The following SHROOM3 variants were observed in gnomAD, a reference collection of about 807,000 sequenced individuals.
SHROOM3 encodes shroom family member 3, also known as protein Shroom3.
A neutral mutation model predicts 138.6 loss-of-function variants in SHROOM3; 47 were observed. That is an observed-to-expected ratio of 0.34 (90% CI 0.27 to 0.43). The LOEUF is 0.43. SHROOM3 is among the 20% of genes least tolerant of loss of function. The probability of loss-of-function intolerance (pLI) is 1.00; values close to 1 mark genes in which losing one functional copy is unlikely to be tolerated. For synonymous variants in SHROOM3, 1,062 were observed against 1,063.3 expected, an observed-to-expected ratio of 1.00 and a Z score of 0.02; for missense variants, 2,491 against 2,596.5, an observed-to-expected ratio of 0.96 and a Z score of 0.88.
chr4:76,517,649 T>C (rs778135809), intron 1 of SHROOM3, among the ~76,000 whole-genome samples: 42 of 150,122 alleles, frequency 2.8e-4, no homozygotes, highest in Non-Finnish European at 5.5e-4. Flanking sequence ...ATAAAGGGGA[T>C]GTTAGGGCTG....
chr4:76,518,872 A>G (rs1278329424), intron 1 of SHROOM3, among the ~76,000 whole-genome samples: 1 of 152,182 alleles, frequency 6.6e-6, no homozygotes, highest in Non-Finnish European at 1.5e-5. Context: ...TTGAACCAGT[A>G]CAAAAAGCGC....
chr4:76,728,126 A>T (rs1200677403), intron 3 of SHROOM3, among the ~76,000 whole-genome samples: 1 of 152,186 alleles, frequency 6.6e-6, no homozygotes, highest in Non-Finnish European at 1.5e-5. Flanking sequence ...CAGTGAGCCA[A>T]GATTGCGCCA....
At chr4:76,535,534 G>A (rs1732933435) in intron 1 of SHROOM3, among the ~76,000 whole-genome samples, 1 of 152,128 alleles carries the variant, frequency 6.6e-6, no homozygotes, top group Admixed American at 6.5e-5. Flanking sequence ...ATACTTAAGG[G>A]GCTGCTGCAT....
Position 76,754,498 on chromosome 4 carries a change from A to G in SHROOM3, c.4015A>G (p.Thr1339Ala). 6.2e-7 allele frequency: 1 copy of G among 1,614,080 alleles called. No individual in the cohort carries two copies. The highest frequency in any genetic ancestry group is 8.5e-7 in the Non-Finnish European group (1 of 1,179,976). ...CTGCCCCAGGCCACCACTGGCAGGA[A>G]CGCAAGGGCTGGTCACAGACACCAG... ...TPCPRPPLAG[T>A]QGLVTDTRAA... The change falls in exon 7 of 11, where the codon ACG becomes GCG. Residue 1339 changes from threonine (T) to alanine (A), a missense_variant. Transcript: ENST00000296043.
chr4:76,648,589 C>A (rs557010976), intron 2 of SHROOM3, among the ~76,000 whole-genome samples: 2 of 152,118 alleles, frequency 1.3e-5, no homozygotes, highest in East Asian at 3.9e-4. Flanking sequence ...TTGTTCAGAT[C>A]GCTTTGAAAG....
chr4:76,773,692 C>G (rs1722449848), intron 10 of SHROOM3, among the ~76,000 whole-genome samples: 1 of 152,180 alleles, frequency 6.6e-6, no homozygotes, highest in Non-Finnish European at 1.5e-5. Flanking sequence ...ACAGAGGCAG[C>G]CAGGGATACA....
At chr4:76,489,020 T>C (rs1731794774) in intron 1 of SHROOM3, among the ~76,000 whole-genome samples, 1 of 152,212 alleles carries the variant, frequency 6.6e-6, no homozygotes, top group Admixed American at 6.5e-5. Flanking sequence ...CTCCAACTCC[T>C]GAATATGGTG....
In SHROOM3 at chr4:76,528,544, C is replaced by CTTTTTTTTTT. The variant is rs146962643; in HGVS notation, c.169-27062_169-27061insTTTTTTTTTT. On this transcript the variant is annotated intron_variant, in intron 1 of 10. Coordinates refer to ENST00000296043, the MANE Select transcript of SHROOM3 (RefSeq NM_020859.4). The stretch of plus-strand genomic sequence containing the variant: ...GGACTTCTCTCCTTTATCTTTCTTT[C>CTTTTTTTTTT]TTTCTTTTTTTTTTTTTTGAGGCAG... Among the ~76,000 whole-genome samples, 168 of 103,376 alleles carry CTTTTTTTTTT rather than the reference C, an allele frequency of 1.6e-3. 8 individuals are homozygous for CTTTTTTTTTT. Among genetic ancestry groups the CTTTTTTTTTT allele is most frequent in the Middle Eastern group, 0.011 (2 of 184 alleles). The allele number at this position is 103,376 out of a possible 152,430, so 67.8% of individuals were successfully genotyped here.
At chr4:76,729,218 T>G (rs879874048) in intron 3 of SHROOM3, among the ~76,000 whole-genome samples, 11 of 152,174 alleles carry the variant, frequency 7.2e-5, no homozygotes, top group Non-Finnish European at 1.5e-4. Context: ...CTAAAACCAG[T>G]GGTATTCAGT....
At chr4:76,539,806 G>A (rs1246926028) in intron 1 of SHROOM3, among the ~76,000 whole-genome samples, 1 of 152,120 alleles carries the variant, frequency 6.6e-6, no homozygotes, top group Non-Finnish European at 1.5e-5. Flanking sequence ...CAAATTGTGT[G>A]GGGGTTGCAA....
At position 76,780,346 on chromosome 4, in the gene SHROOM3, G is replaced by A. The variant is rs1722700954; in HGVS notation, c.*1169G>A. The A allele has an allele frequency of 2.6e-5, 4 of 152,166 alleles. 1 individual carries two copies. The South Asian group carries it at 8.3e-4, about 32-fold the overall frequency. 9.4% of individuals were successfully genotyped at this position (152,166 alleles called of 1,614,324 possible). A position where few individuals can be genotyped will look rare whatever the true frequency, so the allele number is the denominator to read the frequency against. ...TGAGGAGGTTATGGGCTGGCAGCCA[G>A]GCTATGTTTACAGCTGCTGGAGATG... On this transcript the variant is annotated 3_prime_UTR_variant, in exon 11 of 11. Transcript: ENST00000296043.
At chr4:76,713,265 A>C (rs1720284221) in intron 3 of SHROOM3, among the ~76,000 whole-genome samples, 1 of 152,246 alleles carries the variant, frequency 6.6e-6, no homozygotes, top group African/African-American at 2.4e-5. Context: ...TTTAGAACAC[A>C]GACACATTGT....
chr4:76,725,090 T>G (rs1050639285), intron 3 of SHROOM3, among the ~76,000 whole-genome samples: 29 of 152,114 alleles, frequency 1.9e-4, no homozygotes, highest in Non-Finnish European at 3.8e-4. Flanking sequence ...TGTTTTTTGT[T>G]TTTTTTTCCT....
intron 2 of SHROOM3, among the ~76,000 whole-genome samples, chr4:76,616,593 T>G (rs1734885118): frequency 6.6e-6 from 1 of 152,158 alleles, no homozygotes; most frequent in Admixed American, 6.5e-5. Context: ...ACAAATACTA[T>G]CTGATTCCGA....
chr4:76,740,923 A>G lies in SHROOM3; in HGVS notation c.2750A>G (p.Asp917Gly), dbSNP rs1275363152. The G allele has an allele frequency of 6.7e-6, 10 of 1,499,368 alleles. No individual in the cohort carries two copies. The African/African-American group carries it at 1.3e-4, about 19-fold the overall frequency. The allele number at this position is 1,499,368 out of a possible 1,614,324, so 92.9% of individuals were successfully genotyped here. ...GGCTCGCCCGAATCGCCCCTGCTGG[A>G]TGCCCCCTTCAGCCGCGCCTACCGG... ...RPGSPESPLL[D>G]APFSRAYRNS... The change falls in exon 5 of 11, where the codon GAT becomes GGT. Residue 917 changes from aspartate to glycine, a missense_variant. Coordinates refer to ENST00000296043, the MANE Select transcript of SHROOM3 (RefSeq NM_020859.4). The surrounding 1 kb of genome is among the most constrained non-coding windows in gnomAD (Gnocchi z 4.0).
chr4:76,577,044 A>G (rs1192385513), intron 2 of SHROOM3, among the ~76,000 whole-genome samples: 1 of 152,164 alleles, frequency 6.6e-6, no homozygotes, highest in Non-Finnish European at 1.5e-5. Flanking sequence ...TACTGGAACA[A>G]ATGCTCCTGG....
intron 2 of SHROOM3, among the ~76,000 whole-genome samples, chr4:76,693,692 A>G (rs1340088626): frequency 1.3e-5 from 2 of 151,946 alleles, no homozygotes; most frequent in Non-Finnish European, 2.9e-5. Context: ...GCCCTTGATG[A>G]GTCATTTTTT....
chr4:76,558,513 C>A (rs937475261), intron 2 of SHROOM3, among the ~76,000 whole-genome samples: 4 of 152,136 alleles, frequency 2.6e-5, no homozygotes, highest in African/African-American at 9.7e-5. Flanking sequence ...GAGGCCCCCC[C>A]TTTCATTCTC....
chr4:76,646,230 ATATATAT>A (rs1560578544), intron 2 of SHROOM3, among the ~76,000 whole-genome samples: 1 of 139,812 alleles, frequency 7.2e-6, no homozygotes, highest in African/African-American at 2.7e-5. Flanking sequence ...AAATAAATAT[ATATATAT>A]ATATATATAT....
Sources: allele counts gnomAD v4.1 joint callset (sites outside exome capture counted in the v4.1 genomes callset), GRCh38; gene constraint gnomAD v4.1.1; non-coding constraint Gnocchi (gnomAD v3.1); transcripts MANE v1.5; gene names NCBI Gene and HGNC (gene_info 2026-07-23, HGNC 2026-07-21).